GOLGB1: variants seen among roughly 807,000 people sequenced by gnomAD.
GOLGB1 encodes golgin B1.
GOLGB1 carries 174 observed loss-of-function variants against 336.9 expected under a neutral mutation model. The ratio of observed to expected loss-of-function variants is 0.52; its 90% CI spans 0.46 to 0.59. The LOEUF (loss-of-function observed/expected upper bound fraction) is 0.59. Among genes scored for constraint, GOLGB1 ranks in the 20% least tolerant of loss-of-function variants. GOLGB1 has a pLI of 0.00. For synonymous variants in GOLGB1, 1,208 were observed against 1,289.2 expected, an observed-to-expected ratio of 0.94 and a Z score of 1.35; for missense variants, 3,331 against 3,645.3, an observed-to-expected ratio of 0.91 and a Z score of 2.22.
chr3:121,686,338 C>T (rs879849287), intron 14 of GOLGB1, among the ~76,000 whole-genome samples: 4 of 152,216 alleles, frequency 2.6e-5, no homozygotes, highest in Non-Finnish European at 2.9e-5. Context: ...ATGGATCCCT[C>T]TTTCTAACAC....
intron 9 of GOLGB1, 66 bp downstream of exon 9, chr3:121,716,671 G>T: frequency 1.6e-6 from 2 of 1,284,616 alleles, no homozygotes; most frequent in Non-Finnish European, 2.2e-6. Flanking sequence ...ACAGATCCCT[G>T]AAAATATGAA....
chr3:121,749,011 T>A (rs1947569897), intron 1 of GOLGB1: 2 of 635,872 alleles, frequency 3.1e-6, no homozygotes, highest in South Asian at 7.0e-5. Context: ...CCTGCCCACC[T>A]CTGATTCCTG....
At chr3:121,670,611 T>C (rs1939372172) in intron 17 of GOLGB1, among the ~76,000 whole-genome samples, 1 of 152,124 alleles carries the variant, frequency 6.6e-6, no homozygotes, top group South Asian at 2.1e-4. Context: ...AGGATTTCTG[T>C]CCTTGTTTAC....
rs1944945429 is a variant in GOLGB1 at position 121,718,532 on chromosome 3, C to T, written c.772-31G>A. The T allele has an allele frequency of 2.2e-6, 3 of 1,334,518 alleles. No homozygotes were observed. In the East Asian group the frequency reaches 6.9e-5, roughly 31 times the overall value. 82.7% of individuals were successfully genotyped at this position (1,334,518 alleles called of 1,614,324 possible). A position where few individuals can be genotyped will look rare whatever the true frequency, so the allele number is the denominator to read the frequency against. On this transcript the variant is annotated intron_variant, in intron 7 of 21. Coordinates refer to ENST00000614479, the MANE Select transcript of GOLGB1 (RefSeq NM_001366282.2). ...AAGAAAACATTTTAGACATAATATG[C>T]TAACAAATGAGTGCTTGTATTTGCT...
rs141873909 is a variant in GOLGB1 at position 121,716,884 on chromosome 3, C to T, written c.1141G>A (p.Glu381Lys). Residue 381 changes from glutamate (E) to lysine (K), a missense_variant, in exon 9 of 22, where the codon GAG becomes AAG. Coordinates refer to ENST00000614479, the MANE Select transcript of GOLGB1 (RefSeq NM_001366282.2). ...LEQKHKAEME[E>K]KTSHILSLQK... ...AGACTCAAAATATGAGAGGTCTTCT[C>T]TTCCATTTCTGCTTTGTGCTTCTGC... 5 of 1,613,954 alleles carry T rather than the reference C, an allele frequency of 3.1e-6. No homozygotes were observed. Among genetic ancestry groups the T allele is most frequent in the Non-Finnish European group, 4.2e-6 (5 of 1,179,960 alleles).
chr3:121,741,319 CTG>C (rs1455901689), intron 1 of GOLGB1, among the ~76,000 whole-genome samples: 1 of 151,872 alleles, frequency 6.6e-6, no homozygotes, highest in Non-Finnish European at 1.5e-5. Flanking sequence ...TAAGTAAAGA[CTG>C]GAGGAGAGAC....
At chr3:121,738,677 G>A (rs898446258) in intron 1 of GOLGB1, among the ~76,000 whole-genome samples, 5 of 152,192 alleles carry the variant, frequency 3.3e-5, no homozygotes, top group African/African-American at 1.2e-4. Context: ...GAGGCAGTCT[G>A]GACCTTTATT....
Position 121,664,598 on chromosome 3 carries a change from C to A in GOLGB1, c.9677G>T (p.Gly3226Val). The change falls in exon 22 of 22, where the codon GGA (glycine) becomes GTA (valine). Residue 3226 changes from glycine (G) to valine (V), a missense_variant. Physicochemically the swap from Gly to Val is moderately radical, Grantham distance 109. Coordinates refer to ENST00000614479, the MANE Select transcript of GOLGB1 (RefSeq NM_001366282.2). ...GAGTGAACGCAGGACTCGCTTCCATCCAACGCCACTCCGGGTCTGAAAGAA... is the reference window on the plus strand; with the variant it reads ...GAGTGAACGCAGGACTCGCTTCCATACAACGCCACTCCGGGTCTGAAAGAA... ...NSCRRTRSGV[G>V]WKRVLRSLCH... 6 of 1,614,018 alleles carry A rather than the reference C, an allele frequency of 3.7e-6. No homozygotes were observed. The highest frequency in any genetic ancestry group is 5.1e-6 in the Non-Finnish European group (6 of 1,179,872).
rs375386956 is a variant in GOLGB1 at position 121,678,522 on chromosome 3, T to C, written c.8874-1072A>G. ...AGGTGCTGCTTGATCAGCAGCAATG[T>C]CCAACATGGTAATTCTCCTTTTAAT... is the stretch of plus-strand genomic sequence containing the variant. On this transcript the variant is annotated intron_variant, in intron 15 of 21. Coordinates refer to ENST00000614479, the MANE Select transcript of GOLGB1 (RefSeq NM_001366282.2). Among the ~76,000 whole-genome samples, 88 of 152,300 alleles carry C rather than the reference T, an allele frequency of 5.8e-4. 1 individual carries two copies. Among genetic ancestry groups the C allele is most frequent in the South Asian group, 2.9e-3 (14 of 4,830 alleles).
At chr3:121,681,354 GC>G (rs1237451716) in intron 15 of GOLGB1, among the ~76,000 whole-genome samples, 6 of 152,206 alleles carry the variant, frequency 3.9e-5, no homozygotes, top group African/African-American at 1.4e-4. Flanking sequence ...TAAACTAGTA[GC>G]ACAAAGGACG....
At chr3:121,714,718 A>G in intron 10 of GOLGB1, 143 bp downstream of exon 10, 1 of 639,740 alleles carries the variant, frequency 1.6e-6, no homozygotes, top group Middle Eastern at 4.0e-4. Flanking sequence ...TTCAAATAGA[A>G]TTGTCCTCAA....
At chr3:121,708,929 T>C (rs1214546106) in intron 10 of GOLGB1, among the ~76,000 whole-genome samples, 1 of 151,442 alleles carries the variant, frequency 6.6e-6, no homozygotes, top group Non-Finnish European at 1.5e-5. Flanking sequence ...AGAGAAGAAA[T>C]AAAAAAGTAT....
intron 10 of GOLGB1, 112 bp downstream of exon 10, chr3:121,714,748 GA>G: frequency 1.4e-6 from 1 of 733,130 alleles, no homozygotes; most frequent in Non-Finnish European, 2.3e-6. Flanking sequence ...TTTTCAGGCA[GA>G]AAAAACAGAA....
chr3:121,742,986 G>A (rs1946985901), intron 1 of GOLGB1, among the ~76,000 whole-genome samples: 1 of 152,132 alleles, frequency 6.6e-6, no homozygotes, highest in African/African-American at 2.4e-5. Context: ...GAGAGGTTGT[G>A]GAAAAATAGG....
chr3:121,733,595 A>C (rs1946274440), intron 1 of GOLGB1, among the ~76,000 whole-genome samples: 1 of 152,212 alleles, frequency 6.6e-6, no homozygotes, highest in Non-Finnish European at 1.5e-5. Context: ...TAATCCCAGC[A>C]AGCTTTTAGT....
chr3:121,684,035 G>C (rs1420057600), intron 14 of GOLGB1, among the ~76,000 whole-genome samples: 1 of 149,986 alleles, frequency 6.7e-6, no homozygotes, highest in Admixed American at 6.7e-5. Context: ...GGCTGAGGCA[G>C]GAGAATCGCT....
intron 12 of GOLGB1, among the ~76,000 whole-genome samples, chr3:121,699,217 T>G (rs1247079980): frequency 6.6e-6 from 1 of 152,140 alleles, no homozygotes; most frequent in African/African-American, 2.4e-5. Flanking sequence ...TTTTTTTCCT[T>G]CAGAATAAAA....
At chr3:121,723,213 T>C (rs912775770) in intron 5 of GOLGB1, among the ~76,000 whole-genome samples, 12 of 152,222 alleles carry the variant, frequency 7.9e-5, no homozygotes, top group African/African-American at 1.9e-4. Flanking sequence ...AACTGAAATA[T>C]AGATTATTTT....
In GOLGB1 at chr3:121,689,003, C is replaced by T. The variant is rs567530888; in HGVS notation, c.8694+1667G>A. Reference sequence around the variant, plus strand: ...GTCTCCGCCCGGCAGCCACCCCCTCCGGGAGGGAGGTGGGGGGGTCAGCCC... The same window carrying T: ...GTCTCCGCCCGGCAGCCACCCCCTCTGGGAGGGAGGTGGGGGGGTCAGCCC... On this transcript the variant is annotated intron_variant, in intron 14 of 21. Coordinates refer to ENST00000614479, the MANE Select transcript of GOLGB1 (RefSeq NM_001366282.2). 2.1e-4 allele frequency among the ~76,000 whole-genome samples: 31 copies of T among 151,170 alleles called. 1 individual carries two copies. Among genetic ancestry groups the T allele is most frequent in the African/African-American group, 7.1e-4 (29 of 41,034 alleles).
Sources: gnomAD v4.1 joint callset for allele counts (sites outside exome capture counted in the v4.1 genomes callset) on GRCh38, gnomAD v4.1.1 for gene constraint, MANE v1.5 for transcripts, NCBI Gene and HGNC (gene_info 2026-07-23, HGNC 2026-07-21) for gene names.